Variants in ZSWIM5 observed in about 807,000 individuals in gnomAD.
ZSWIM5 encodes zinc finger SWIM domain-containing protein 5.
A neutral mutation model predicts 119.6 loss-of-function variants in ZSWIM5; 55 were observed. That is an observed-to-expected ratio of 0.46 (90% confidence interval 0.37 to 0.58). The LOEUF is 0.58. Among genes scored for constraint, ZSWIM5 ranks in the 20% least tolerant of loss-of-function variants. The pLI is 0.00. For synonymous variants in ZSWIM5, 537 were observed against 606.9 expected (o/e 0.88, Z 1.69); for missense variants, 1,193 against 1,512.8 (o/e 0.79, Z 3.51).
intron 1 of ZSWIM5, among the ~76,000 whole-genome samples, chr1:45,157,858 T>C (rs112172171): frequency 0.014 from 2,182 of 152,282 alleles, 66 homozygotes; most frequent in African/African-American, 0.051. Context: ...ATTTTAGTAA[T>C]TATGGTGGGA....
At chr1:45,099,484 G>A (rs539224886) in intron 1 of ZSWIM5, among the ~76,000 whole-genome samples, 26 of 152,274 alleles carry the variant, frequency 1.7e-4, no homozygotes, top group African/African-American at 5.8e-4. Context: ...AGAGGAGCTG[G>A]TACCATTCCT....
At chr1:45,116,804 C>T (rs1202863678) in intron 1 of ZSWIM5, among the ~76,000 whole-genome samples, 1 of 151,978 alleles carries the variant, frequency 6.6e-6, no homozygotes, top group Non-Finnish European at 1.5e-5. Context: ...CGATTGGCAA[C>T]ATAAAGAATT....
At chr1:45,127,585 G>T (rs1645629219) in intron 1 of ZSWIM5, among the ~76,000 whole-genome samples, 1 of 151,316 alleles carries the variant, frequency 6.6e-6, no homozygotes, top group Non-Finnish European at 1.5e-5. Flanking sequence ...TGCACACCAC[G>T]ATGCCAGGCT....
rs1158628160 is a variant in ZSWIM5 at position 45,205,763 on chromosome 1, C to G, written c.588G>C (p.Leu196=). 2 of 1,567,838 alleles carry G rather than the reference C, an allele frequency of 1.3e-6. No individual in the cohort carries two copies. The highest frequency in any genetic ancestry group is 1.7e-6 in the Non-Finnish European group (2 of 1,161,940). Residue 196 remains leucine, a synonymous_variant, in exon 1 of 14, where the codon CTG becomes CTC. Transcript: ENST00000359600. ...GCCTGGACGAGCACATACCGACTTGCAGCACGTTCTCCACGGAGCCGCTGT... is the reference window on the plus strand; with the variant it reads ...GCCTGGACGAGCACATACCGACTTGGAGCACGTTCTCCACGGAGCCGCTGT... ...LLDSGSVENV[L]QVGFHLSGTV...
chr1:45,206,246 A>C lies in ZSWIM5; in HGVS notation c.105T>G (p.Gly35=), dbSNP rs1371712374. The part of the protein sequence containing the change: ...WPSPQAHHPR[G]SPGAAGGGAG... ...CCCCTCCGCCGGCTGCCCCAGGCGA[A>C]CCGCGAGGGTGATGAGCCTGCGGGC... The change falls in exon 1 of 14, where the codon GGT becomes GGG. Residue 35 remains glycine, a synonymous_variant. Coordinates refer to ENST00000359600, the MANE Select transcript of ZSWIM5 (RefSeq NM_020883.2). 3 of 1,584,750 alleles carry C rather than the reference A, an allele frequency of 1.9e-6. No homozygotes were observed.
intron 5 of ZSWIM5, among the ~76,000 whole-genome samples, chr1:45,047,519 GA>G (rs1645063263): frequency 6.6e-6 from 1 of 152,114 alleles, no homozygotes; most frequent in Non-Finnish European, 1.5e-5. Flanking sequence ...TTTGGTATGG[GA>G]AATATAACAA....
chr1:45,093,847 T>G (rs963032051), intron 1 of ZSWIM5, among the ~76,000 whole-genome samples: 6 of 13,530 alleles, frequency 4.4e-4, no homozygotes, highest in African/African-American at 2.3e-3. Context: ...TAGAAGCTTG[T>G]TTTTTTTTTT....
chr1:45,183,417 A>C (rs1646035420), intron 1 of ZSWIM5, among the ~76,000 whole-genome samples: 1 of 152,254 alleles, frequency 6.6e-6, no homozygotes, highest in South Asian at 2.1e-4. Flanking sequence ...CCTGAAGGAA[A>C]TAGAGACCAA....
intron 1 of ZSWIM5, among the ~76,000 whole-genome samples, chr1:45,118,254 G>A (rs1038403367): frequency 6.6e-6 from 1 of 152,226 alleles, no homozygotes; most frequent in African/African-American, 2.4e-5. Context: ...ATAAACTGTG[G>A]TCCAAGATGA....
intron 1 of ZSWIM5, among the ~76,000 whole-genome samples, chr1:45,123,935 T>C (rs1645606932): frequency 6.6e-6 from 1 of 152,118 alleles, no homozygotes; most frequent in Non-Finnish European, 1.5e-5. Flanking sequence ...AGATTTCTCA[T>C]CAGAAACCAG....
intron 1 of ZSWIM5, among the ~76,000 whole-genome samples, chr1:45,182,114 C>G (rs1646023396): frequency 1.3e-5 from 2 of 152,170 alleles, no homozygotes; most frequent in African/African-American, 4.8e-5. Context: ...ACTAAATGCT[C>G]CAATTAAAAG....
chr1:45,161,386 T>A (rs963077663), intron 1 of ZSWIM5, among the ~76,000 whole-genome samples: 1 of 152,134 alleles, frequency 6.6e-6, no homozygotes, highest in African/African-American at 2.4e-5. Context: ...TGTGTAAGAG[T>A]TACCTTCTCT....
chr1:45,053,518 T>G (rs977047610), intron 4 of ZSWIM5, among the ~76,000 whole-genome samples: 1 of 151,624 alleles, frequency 6.6e-6, no homozygotes, highest in African/African-American at 2.4e-5. Context: ...TCCCAGTGCT[T>G]TGGGAGGCGG....
chr1:45,041,008 T>C (rs145828046), intron 6 of ZSWIM5, among the ~76,000 whole-genome samples: 13 of 152,266 alleles, frequency 8.5e-5, no homozygotes, highest in Non-Finnish European at 1.6e-4. Context: ...AATGTAATTA[T>C]AAAGCAGCTA....
chr1:45,121,602 C>CTTTT (rs199811301), intron 1 of ZSWIM5, among the ~76,000 whole-genome samples: 4 of 136,462 alleles, frequency 2.9e-5, no homozygotes, highest in African/African-American at 8.1e-5. Flanking sequence ...TTTTCTTCTT[C>CTTTT]TTTTTTTTTT....
At chr1:45,087,712 C>T (rs901795974) in intron 2 of ZSWIM5, among the ~76,000 whole-genome samples, 169 bp downstream of exon 2, 1 of 152,184 alleles carries the variant, frequency 6.6e-6, no homozygotes, top group Non-Finnish European at 1.5e-5. Flanking sequence ...TAGAGTTAAA[C>T]ACAGTTGTTT....
intron 5 of ZSWIM5, 72 bp from the exon 6 acceptor site, chr1:45,043,467 G>A (rs1194026098): frequency 1.3e-6 from 2 of 1,487,048 alleles, no homozygotes; most frequent in Non-Finnish European, 1.9e-6. Context: ...TCTTCTTCAG[G>A]GTGGGAGGTT....
intron 10 of ZSWIM5, among the ~76,000 whole-genome samples, chr1:45,034,869 C>A (rs1469187710): frequency 6.6e-6 from 1 of 152,136 alleles, no homozygotes; most frequent in Non-Finnish European, 1.5e-5. Context: ...GCAGCCCCGA[C>A]CTCCCAGGCT....
At position 45,087,871 on chromosome 1, in the gene ZSWIM5, G is replaced by A. The variant is rs750241538; in HGVS notation, c.952+10C>T. On this transcript the variant is annotated intron_variant, in intron 2 of 13. Coordinates refer to ENST00000359600, the MANE Select transcript of ZSWIM5 (RefSeq NM_020883.2). ...GACCTTTTTTTTCAATAAAAAAGTT[G>A]TACAATTACCATTCACTTGGTTGAT... 6.3e-7 allele frequency: 1 copy of A among 1,581,230 alleles called. No individual in the cohort carries two copies. Among genetic ancestry groups the A allele is most frequent in the African/African-American group, 1.4e-5 (1 of 73,848 alleles).
Sources: gnomAD v4.1 joint callset for allele counts (sites outside exome capture counted in the v4.1 genomes callset) on GRCh38, gnomAD v4.1.1 for gene constraint, MANE v1.5 for transcripts, NCBI Gene and HGNC (gene_info 2026-07-23, HGNC 2026-07-21) for gene names.